The following DGKB variants were observed in gnomAD, a reference collection of about 807,000 sequenced individuals.
The protein encoded by DGKB is 90 kDa diacylglycerol kinase.
DGKB carries 67 observed loss-of-function variants against 114.3 expected under a neutral mutation model. The observed-to-expected ratio is 0.59, with a 90% CI of 0.48 to 0.72. DGKB has a LOEUF of 0.72. DGKB is among the 30% of genes least tolerant of loss of function. The probability of loss-of-function intolerance (pLI) is 0.00; values close to 1 mark genes in which losing one functional copy is unlikely to be tolerated. For synonymous variants in DGKB, 398 were observed against 323.1 expected (o/e 1.23, Z -2.49); for missense variants, 907 against 975.2 (o/e 0.93, Z 0.93).
intron 20 of DGKB, among the ~76,000 whole-genome samples, chr7:14,492,740 C>A (rs1212646363): frequency 6.6e-6 from 1 of 152,004 alleles, no homozygotes; most frequent in Non-Finnish European, 1.5e-5. Flanking sequence ...ACATGGTTCA[C>A]CTCAAAAATA....
Position 14,656,384 on chromosome 7 carries a change from T to G in DGKB, c.1134+16545A>C, listed in dbSNP as rs536459140. ...CTACCTATAATAGGTTTTTGGATAT[T>G]TAAATTTTGGTTTTTTTTTCTAGGT... On this transcript the variant is annotated intron_variant, in intron 13 of 25. Coordinates refer to ENST00000402815, the MANE Select transcript of DGKB (RefSeq NM_001350709.2). Among the ~76,000 whole-genome samples the G allele has an allele frequency of 4.0e-5, 6 of 150,906 alleles. No homozygotes were observed. The South Asian group carries it at 1.2e-3, about 31-fold the overall frequency.
At chr7:14,762,233 A>G (rs1374176931) in intron 2 of DGKB, among the ~76,000 whole-genome samples, 1 of 152,118 alleles carries the variant, frequency 6.6e-6, no homozygotes. Context: ...GCTGGGAAAG[A>G]ACAAAGAAAA....
chr7:14,282,558 A>T (rs1800146771), intron 23 of DGKB, among the ~76,000 whole-genome samples: 1 of 151,776 alleles, frequency 6.6e-6, no homozygotes, highest in African/African-American at 2.4e-5. Flanking sequence ...AGACACAACC[A>T]AAAAAGAGAA....
intron 21 of DGKB, among the ~76,000 whole-genome samples, chr7:14,474,585 C>T (rs1781889334): frequency 6.6e-6 from 1 of 151,970 alleles, no homozygotes; most frequent in Non-Finnish European, 1.5e-5. Flanking sequence ...CATTATACGC[C>T]TTTATAATTG....
intron 21 of DGKB, among the ~76,000 whole-genome samples, chr7:14,454,903 A>T (rs527569737): frequency 3.2e-4 from 48 of 152,158 alleles, no homozygotes; most frequent in Middle Eastern, 3.4e-3. Flanking sequence ...TCACTATTCT[A>T]CTCTCATAGG....
At chr7:14,750,941 C>T (rs957026779) in intron 4 of DGKB, among the ~76,000 whole-genome samples, 2 of 151,384 alleles carry the variant, frequency 1.3e-5, no homozygotes, top group African/African-American at 4.9e-5. Context: ...GTATCTGAGA[C>T]TACAGGCGCT....
chr7:14,872,072 A>C (rs187129456), intron 1 of DGKB, among the ~76,000 whole-genome samples: 40 of 152,288 alleles, frequency 2.6e-4, no homozygotes, highest in Middle Eastern at 3.4e-3. Flanking sequence ...GTGGTGATTC[A>C]CTAGATCTAA....
intron 2 of DGKB, among the ~76,000 whole-genome samples, chr7:14,839,892 G>C (rs776736119): frequency 3.3e-5 from 5 of 151,762 alleles, no homozygotes; most frequent in Non-Finnish European, 7.4e-5. Context: ...ATACCCAGCA[G>C]CATTCTCATA....
intron 1 of DGKB, among the ~76,000 whole-genome samples, chr7:14,900,331 G>A (rs1475057863): frequency 6.6e-6 from 1 of 152,138 alleles, no homozygotes; most frequent in East Asian, 1.9e-4. Context: ...TTTTCCTGGA[G>A]TTTGCTCTGG....
At chr7:14,628,920 T>TA (rs1809151635) in intron 14 of DGKB, among the ~76,000 whole-genome samples, 1 of 151,986 alleles carries the variant, frequency 6.6e-6, no homozygotes, top group African/African-American at 2.4e-5. Flanking sequence ...CATATCAAAA[T>TA]AAAGACTTTT....
intron 23 of DGKB, among the ~76,000 whole-genome samples, chr7:14,228,880 T>G (rs1791258265): frequency 1.3e-5 from 1 of 74,818 alleles, no homozygotes; most frequent in Non-Finnish European, 2.2e-5. Context: ...CATCAGTTTT[T>G]TTTCTGTGTG....
In DGKB at chr7:14,530,372, T is replaced by C. The variant is rs76317241; in HGVS notation, c.1770+43840A>G. On this transcript the variant is annotated intron_variant, in intron 20 of 25. Coordinates refer to ENST00000402815, the MANE Select transcript of DGKB (RefSeq NM_001350709.2). The stretch of plus-strand genomic sequence containing the variant: ...AAGGCTTGTCATTCTGTATATACAA[T>C]AACTCATCTCAAATTGCCTTCTCCC... Among the ~76,000 whole-genome samples, 18 of 151,702 alleles carry C rather than the reference T, an allele frequency of 1.2e-4. No individual in the cohort carries two copies. The East Asian group carries it at 3.1e-3, about 26-fold the overall frequency.
chr7:14,150,811 C>G (rs1353179704), intron 25 of DGKB, among the ~76,000 whole-genome samples: 1 of 152,072 alleles, frequency 6.6e-6, no homozygotes, highest in African/African-American at 2.4e-5. Flanking sequence ...TTAAACTCCT[C>G]TGAAATTCTA....
intron 23 of DGKB, among the ~76,000 whole-genome samples, chr7:14,181,207 C>CATAT (rs1782589309): frequency 6.6e-6 from 1 of 152,048 alleles, no homozygotes; most frequent in Non-Finnish European, 1.5e-5. Context: ...CAGTAGAGAC[C>CATAT]ATATGGTCGA....
chr7:14,819,047 C>T (rs2128098524), intron 2 of DGKB, among the ~76,000 whole-genome samples: 1 of 152,280 alleles, frequency 6.6e-6, no homozygotes, highest in African/African-American at 2.4e-5. Flanking sequence ...ACTCCTGTGT[C>T]CACCTTCCAC....
intron 19 of DGKB, among the ~76,000 whole-genome samples, chr7:14,578,959 G>A (rs947818565): frequency 1.8e-4 from 28 of 152,236 alleles, no homozygotes; most frequent in African/African-American, 6.5e-4. Context: ...ATGCACTGCT[G>A]CTTCAGCAAC....
chr7:14,275,152 A>G (rs1798819145), intron 23 of DGKB, among the ~76,000 whole-genome samples: 1 of 152,152 alleles, frequency 6.6e-6, no homozygotes, highest in Non-Finnish European at 1.5e-5. Context: ...TGCCTTGAAT[A>G]TACTTAAGTT....
chr7:14,354,691 T>G (rs1400268805), intron 21 of DGKB, among the ~76,000 whole-genome samples: 2 of 152,216 alleles, frequency 1.3e-5, no homozygotes, highest in Non-Finnish European at 2.9e-5. Context: ...AAGGTTCTTT[T>G]GCTGAAATTC....
At chr7:14,228,393 T>G (rs1361622548) in intron 23 of DGKB, among the ~76,000 whole-genome samples, 2 of 152,028 alleles carry the variant, frequency 1.3e-5, no homozygotes, top group Non-Finnish European at 2.9e-5. Flanking sequence ...TTGCTGTAAC[T>G]TTCTGAAGTG....
Sources: gnomAD v4.1 joint callset for allele counts (sites outside exome capture counted in the v4.1 genomes callset) on GRCh38, gnomAD v4.1.1 for gene constraint, MANE v1.5 for transcripts, NCBI Gene and HGNC (gene_info 2026-07-23, HGNC 2026-07-21) for gene names.